The following GCNT1 variants were observed in gnomAD, a reference collection of about 807,000 sequenced individuals.
GCNT1 encodes the protein beta-1,3-galactosyl-O-glycosyl-glycoprotein beta-1,6-N-acetylglucosaminyltransferase.
A neutral mutation model predicts 26.2 loss-of-function variants in GCNT1; 16 were observed. The observed-to-expected ratio is 0.61, with a 90% confidence interval of 0.41 to 0.93. The LOEUF is 0.93. Among genes scored for constraint, GCNT1 ranks in the 40% least tolerant of loss-of-function variants. GCNT1 has a pLI of 0.00. For missense variants in GCNT1, 477 were observed against 526.7 expected, an observed-to-expected ratio of 0.91 and a Z score of 0.92; for synonymous variants, 183 against 190.8, an observed-to-expected ratio of 0.96 and a Z score of 0.34.
chr9:76,459,995 A>C (rs918414848), intron 1 of GCNT1, 65 bp from the exon 2 acceptor site: 1 of 151,822 alleles, frequency 6.6e-6, no homozygotes, highest in African/African-American at 2.4e-5. Flanking sequence ...GATTCCTCCA[A>C]GTTTTGGTTA....
chr9:76,484,413 C>T (rs1248363956), intron 2 of GCNT1, among the ~76,000 whole-genome samples: 6 of 151,478 alleles, frequency 4.0e-5, no homozygotes, highest in African/African-American at 1.5e-4. Context: ...TTAAGTATTA[C>T]TTCTGTGAAA....
chr9:76,436,238 A>G (rs1315125356), intron 1 of GCNT1, among the ~76,000 whole-genome samples: 2 of 151,962 alleles, frequency 1.3e-5, no homozygotes, highest in African/African-American at 4.8e-5. Context: ...CTGTGTAACA[A>G]ATTAGGATAG....
At chr9:76,440,111 A>T (rs990631093), upstream of GCNT1, among the ~76,000 whole-genome samples, 1 of 151,932 alleles carries the variant, frequency 6.6e-6, no homozygotes, top group African/African-American at 2.4e-5. Context: ...AAATAAAAAA[A>T]AAAAAAAAGA....
chr9:76,458,175 A>ATTTTTTTTTTTTTTT (rs779648273), upstream of GCNT1, among the ~76,000 whole-genome samples: 1 of 76,212 alleles, frequency 1.3e-5, no homozygotes, highest in Non-Finnish European at 2.3e-5. Flanking sequence ...TCTGAGTTGG[A>ATTTTTTTTTTTTTTT]TTTTTTTTTT....
At chr9:76,478,952 C>T (rs1824337567) in intron 2 of GCNT1, among the ~76,000 whole-genome samples, 1 of 152,168 alleles carries the variant, frequency 6.6e-6, no homozygotes, top group African/African-American at 2.4e-5. Context: ...TGGTGGGCTG[C>T]ACCCATTAAC....
At chr9:76,409,385 C>A in the GCNT1 span, among the ~76,000 whole-genome samples, 1 of 152,024 alleles carries the variant, frequency 6.6e-6, no homozygotes, top group Non-Finnish European at 1.5e-5. Flanking sequence ...ATCAAAGAAA[C>A]TGCATCTGGT....
At chr9:76,473,228 T>C (rs944680842) in intron 2 of GCNT1, among the ~76,000 whole-genome samples, 1 of 152,206 alleles carries the variant, frequency 6.6e-6, no homozygotes, top group Non-Finnish European at 1.5e-5. Flanking sequence ...TCTAACTATA[T>C]TGACCAAGCC....
At chr9:76,467,988 C>A (rs1195990554) in intron 2 of GCNT1, among the ~76,000 whole-genome samples, 2 of 136,666 alleles carry the variant, frequency 1.5e-5, no homozygotes, top group Non-Finnish European at 3.1e-5. Flanking sequence ...GTCACTGTAA[C>A]CTCCACCTCC....
chr9:76,426,792 G>T (rs1392602882), intron 1 of GCNT1, among the ~76,000 whole-genome samples: 4 of 152,074 alleles, frequency 2.6e-5, no homozygotes, highest in African/African-American at 9.7e-5. Flanking sequence ...AGCTACTCGG[G>T]GGTGGCAGAG....
intron 2 of GCNT1, among the ~76,000 whole-genome samples, chr9:76,490,993 T>TA (rs528813985): frequency 9.8e-4 from 149 of 152,386 alleles, no homozygotes; most frequent in Non-Finnish European, 1.7e-3. Flanking sequence ...ACTGGAGTGT[T>TA]ACAGTGTTAC....
At chr9:76,472,150 G>T (rs758794702) in intron 2 of GCNT1, among the ~76,000 whole-genome samples, 10 of 152,140 alleles carry the variant, frequency 6.6e-5, no homozygotes, top group Non-Finnish European at 1.3e-4. Context: ...GGTGGCGTTC[G>T]CCTGTAATCC....
At chr9:76,411,144 G>A in the GCNT1 span, among the ~76,000 whole-genome samples, 2 of 152,070 alleles carry the variant, frequency 1.3e-5, no homozygotes, top group Admixed American at 6.6e-5. Flanking sequence ...AATCCACTCT[G>A]ACAATCTCTG....
chr9:76,403,800 AG>A, the GCNT1 span, among the ~76,000 whole-genome samples: 1 of 152,256 alleles, frequency 6.6e-6, no homozygotes, highest in African/African-American at 2.4e-5. Context: ...AAATGGAGAA[AG>A]AGAAAAAGGA....
At chr9:76,400,499 A>G in the GCNT1 span, among the ~76,000 whole-genome samples, 3 of 152,182 alleles carry the variant, frequency 2.0e-5, no homozygotes, top group Non-Finnish European at 4.4e-5. Flanking sequence ...ATCAAATCAC[A>G]CTAAAAGTCA....
chr9:76,486,130 T>G, intron 2 of GCNT1, among the ~76,000 whole-genome samples: 1 of 152,220 alleles, frequency 6.6e-6, no homozygotes, highest in African/African-American at 2.4e-5. Flanking sequence ...CCATATGACG[T>G]TCGAAGAGCT....
intron 1 of GCNT1, among the ~76,000 whole-genome samples, chr9:76,453,378 T>C (rs144806848): frequency 1.1e-3 from 169 of 152,180 alleles, no homozygotes; most frequent in African/African-American, 3.9e-3. Context: ...ATGAGGATGA[T>C]GGGAAGGGAG....
chr9:76,409,801 G>A, the GCNT1 span, among the ~76,000 whole-genome samples: 1 of 151,850 alleles, frequency 6.6e-6, no homozygotes, highest in South Asian at 2.1e-4. Context: ...TGCTTGCTTG[G>A]GATTTAATTT....
intron 1 of GCNT1, among the ~76,000 whole-genome samples, chr9:76,429,976 A>C (rs1031360725): frequency 1.3e-5 from 2 of 152,044 alleles, no homozygotes; most frequent in Admixed American, 1.3e-4. Context: ...GGCCTCCCAA[A>C]GTGCTGGGAT....
At chr9:76,498,745 C>T (rs1248212849) in intron 2 of GCNT1, among the ~76,000 whole-genome samples, 3 of 142,318 alleles carry the variant, frequency 2.1e-5, no homozygotes, top group Non-Finnish European at 3.0e-5. Context: ...TGCACTCCAG[C>T]GTGGGCAACA....
Sources: allele counts gnomAD v4.1 joint callset (sites outside exome capture counted in the v4.1 genomes callset), GRCh38; gene constraint gnomAD v4.1.1; transcripts MANE v1.5; gene names NCBI Gene and HGNC (gene_info 2026-07-23, HGNC 2026-07-21).